The following TRAK1 variants were observed in gnomAD, a reference collection of about 807,000 sequenced individuals.
The protein encoded by TRAK1 is trafficking kinesin protein 1, also known as trafficking kinesin-binding protein 1.
TRAK1 carries 33 observed loss-of-function variants against 92.1 expected under a neutral mutation model. The ratio of observed to expected loss-of-function variants is 0.36; its 90% CI spans 0.27 to 0.48. The LOEUF is 0.48. Among genes scored for constraint, TRAK1 ranks in the 20% least tolerant of loss-of-function variants. The probability of loss-of-function intolerance (pLI) is 0.99; values close to 1 mark genes in which losing one functional copy is unlikely to be tolerated. For missense variants in TRAK1, 1,123 were observed against 1,257.9 expected (o/e 0.89, Z 1.62); for synonymous variants, 521 against 517.3 (o/e 1.01, Z -0.10).
Position 42,222,968 on chromosome 3 carries a change from G to A in TRAK1, c.2093G>A (p.Cys698Tyr), listed in dbSNP as rs1421441168. The change falls in exon 16 of 16, where the codon TGT becomes TAT. Residue 698 changes from cysteine to tyrosine, a missense_variant. By Grantham distance (194) the Cys-to-Tyr change is radical. Around this residue, in one of 3 missense-constraint regions of TRAK1, gnomAD observed 401 missense variants for 438.9 expected, o/e 0.91. Coordinates refer to ENST00000327628, the MANE Select transcript of TRAK1 (RefSeq NM_001042646.3). ...CTTAACTCAGCCCCAACTCCAGCTT[G>A]TGGCAGCACCAGCCACTTGAAATCC... ...PSLNSAPTPA[C>Y]GSTSHLKSTP... 1.4e-5 allele frequency: 23 copies of A among 1,613,778 alleles called. No homozygotes were observed. Among genetic ancestry groups the A allele is most frequent in the South Asian group, 5.5e-5 (5 of 91,076 alleles).
intron 13 of TRAK1, among the ~76,000 whole-genome samples, chr3:42,207,952 CT>C (rs1708517611): frequency 6.6e-6 from 1 of 152,158 alleles, no homozygotes; most frequent in Admixed American, 6.5e-5. Context: ...GCATCTCTGG[CT>C]TTTACCCCCT....
intron 1 of TRAK1, among the ~76,000 whole-genome samples, chr3:42,123,700 C>T (rs1710205616): frequency 2.3e-5 from 3 of 128,610 alleles, no homozygotes; most frequent in African/African-American, 8.4e-5. Flanking sequence ...TTATTTGTCA[C>T]AAGTATTTTT....
intron 3 of TRAK1, among the ~76,000 whole-genome samples, chr3:42,181,486 G>GTGAGC (rs1703996357): frequency 6.6e-6 from 1 of 152,234 alleles, no homozygotes; most frequent in Admixed American, 6.5e-5. Flanking sequence ...GGAGGTTGCA[G>GTGAGC]TGAGCTGAGA....
intron 1 of TRAK1, among the ~76,000 whole-genome samples, chr3:42,121,883 T>A (rs988796006): frequency 6.6e-6 from 1 of 152,136 alleles, no homozygotes; most frequent in African/African-American, 2.4e-5. Context: ...AGTGGCGTGA[T>A]CTTGGCTTAC....
intron 1 of TRAK1, among the ~76,000 whole-genome samples, chr3:42,066,212 G>C (rs1350748836): frequency 6.6e-6 from 1 of 152,158 alleles, no homozygotes; most frequent in Non-Finnish European, 1.5e-5. Flanking sequence ...TGTAGCCCCA[G>C]CTATTTGGGA....
intron 2 of TRAK1, among the ~76,000 whole-genome samples, chr3:42,135,317 T>G (rs1303595338): frequency 1.3e-5 from 2 of 152,236 alleles, no homozygotes; most frequent in African/African-American, 2.4e-5. Flanking sequence ...AGGAATGTGC[T>G]GCTGCTGTCT....
chr3:42,034,405 A>G (rs1216476461), intron 1 of TRAK1, among the ~76,000 whole-genome samples: 8 of 151,996 alleles, frequency 5.3e-5, no homozygotes. Context: ...TGATTCTCCC[A>G]CCTCAGCCTC....
At chr3:42,191,482 C>A in intron 6 of TRAK1, 76 bp from the exon 7 acceptor site, 1 of 1,396,068 alleles carries the variant, frequency 7.2e-7, no homozygotes, top group Non-Finnish European at 9.8e-7. Context: ...TTAGCCTTTG[C>A]TTTATGCCTC....
chr3:42,132,908 A>G (rs919413034), intron 2 of TRAK1, among the ~76,000 whole-genome samples: 1 of 152,050 alleles, frequency 6.6e-6, no homozygotes, highest in Non-Finnish European at 1.5e-5. Flanking sequence ...CTCCACACAC[A>G]TTTGTCTTAA....
At chr3:42,048,955 T>G (rs1357852891) in intron 1 of TRAK1, among the ~76,000 whole-genome samples, 3 of 152,216 alleles carry the variant, frequency 2.0e-5, no homozygotes, top group Non-Finnish European at 4.4e-5. Context: ...CCCACTATGT[T>G]GAGCTCACTG....
intron 3 of TRAK1, among the ~76,000 whole-genome samples, chr3:42,180,010 G>A (rs910066968): frequency 6.6e-6 from 1 of 152,060 alleles, no homozygotes; most frequent in African/African-American, 2.4e-5. Flanking sequence ...AAAGTGTTGG[G>A]ATTACAGACA....
chr3:42,023,991 G>A (rs1000689379), intron 1 of TRAK1, among the ~76,000 whole-genome samples: 2 of 152,092 alleles, frequency 1.3e-5, no homozygotes, highest in African/African-American at 4.8e-5. Flanking sequence ...CTGACCTCAG[G>A]TGATTCGCCC....
intron 15 of TRAK1, chr3:42,220,514 C>T (rs1452934920): frequency 5.1e-6 from 5 of 985,390 alleles, no homozygotes; most frequent in Non-Finnish European, 6.0e-6. Flanking sequence ...GTGAGGAGGA[C>T]GACGAAGCAG....
At chr3:42,203,767 C>A in intron 13 of TRAK1, 1 of 829,424 alleles carries the variant, frequency 1.2e-6, no homozygotes, top group Non-Finnish European at 1.3e-6. Context: ...TCCTAATCAC[C>A]CCCCAAAGAC....
At chr3:42,025,885 T>C (rs9877580) in intron 1 of TRAK1, among the ~76,000 whole-genome samples, 9,150 of 152,240 alleles carry the variant, frequency 0.06, 856 homozygotes, top group African/African-American at 0.2. Flanking sequence ...GGCATGATAC[T>C]GTACACAGAA....
At chr3:42,148,952 AC>A (rs974757878) in intron 2 of TRAK1, among the ~76,000 whole-genome samples, 4 of 151,774 alleles carry the variant, frequency 2.6e-5, no homozygotes, top group African/African-American at 9.7e-5. Flanking sequence ...GCTTGTCCTT[AC>A]GTTTCTTGAA....
chr3:42,084,779 T>C (rs1704594840), upstream of TRAK1, among the ~76,000 whole-genome samples: 1 of 151,924 alleles, frequency 6.6e-6, no homozygotes, highest in Admixed American at 6.6e-5. Context: ...AGTCACTGAC[T>C]AGGCGTGACA....
chr3:42,015,118 A>G lies in TRAK1; in HGVS notation c.-519+1001A>G, dbSNP rs531011169. ...ACAACAGGCTGGGAGCTTGACTGGTAGGTTTGGAGAGTTGGACCTGGAGTG... is the reference window on the plus strand; with the variant it reads ...ACAACAGGCTGGGAGCTTGACTGGTGGGTTTGGAGAGTTGGACCTGGAGTG... On this transcript the variant is annotated intron_variant, in intron 1 of 16. Transcript: ENST00000487159. Among the ~76,000 whole-genome samples the G allele has an allele frequency of 2.6e-5, 4 of 152,086 alleles. No homozygotes were observed. In the East Asian group the frequency reaches 7.7e-4, roughly 29 times the overall value.
intron 2 of TRAK1, among the ~76,000 whole-genome samples, chr3:42,141,589 G>A (rs900754291): frequency 1.3e-5 from 2 of 152,158 alleles, no homozygotes; most frequent in Admixed American, 1.3e-4. Flanking sequence ...CAAAGTCAAG[G>A]TGTTGGTACT....
Sources: allele counts gnomAD v4.1 joint callset (sites outside exome capture counted in the v4.1 genomes callset), GRCh38; gene constraint gnomAD v4.1.1; regional missense constraint gnomAD v4.1.1; transcripts MANE v1.5; gene names NCBI Gene and HGNC (gene_info 2026-07-23, HGNC 2026-07-21).